Variants in DET1 observed in about 807,000 individuals in gnomAD.
DET1 encodes DET1 homolog.
A neutral mutation model predicts 43.7 loss-of-function variants in DET1; 22 were observed. That is an observed-to-expected ratio of 0.50 (90% CI 0.36 to 0.72). DET1 has a LOEUF of 0.72. DET1 is among the 30% of genes least tolerant of loss of function. The pLI is 0.00. For synonymous variants in DET1, 315 were observed against 266.2 expected (o/e 1.18, Z -1.79); for missense variants, 713 against 713.3 (o/e 1.00, Z 0.00).
downstream of DET1, among the ~76,000 whole-genome samples, chr15:88,511,263 T>C (rs567205725): frequency 6.6e-6 from 1 of 152,286 alleles, no homozygotes; most frequent in East Asian, 1.9e-4. Flanking sequence ...AGCCATCTTC[T>C]AGACTGCTGA....
chr15:88,536,277 T>A (rs762417655), intron 1 of DET1: 1 of 765,096 alleles, frequency 1.3e-6, no homozygotes, highest in South Asian at 1.4e-5. Flanking sequence ...ATATTATTAA[T>A]GGTCTTTATC....
intron 1 of DET1, chr15:88,536,341 G>C: frequency 1.3e-6 from 1 of 779,684 alleles, no homozygotes; most frequent in Non-Finnish European, 2.4e-6. Context: ...CCATACCAGA[G>C]AGCAGGGAAC....
rs1397440135 is a variant in DET1, at chr15:88,504,696, C to T, written c.*2066-709G>A. The stretch of plus-strand genomic sequence containing the variant: ...GGGCTCTCACACTCAGCCCTAATCA[C>T]CCCAGGGCCAGGTACCAGACAACCA... On this transcript the variant is annotated intron_variant and NMD_transcript_variant, in intron 7 of 8. Coordinates refer to the DET1 transcript ENST00000557842. This position sits in a 1 kb window ranked among gnomAD's most constrained non-coding sequence, Gnocchi z 4.7. The T allele has an allele frequency of 1.3e-5, 2 of 152,164 alleles. No individual in the cohort carries two copies. Among genetic ancestry groups the T allele is most frequent in the African/African-American group, 4.8e-5 (2 of 41,404 alleles). The allele number at this position is 152,164 out of a possible 1,614,324, so 9.4% of individuals were successfully genotyped here.
chr15:88,536,850 C>T (rs2056966175), intron 1 of DET1, among the ~76,000 whole-genome samples: 1 of 147,236 alleles, frequency 6.8e-6, no homozygotes, highest in Non-Finnish European at 1.5e-5. Context: ...AAAAGCATGA[C>T]ATGGCACATT....
intron 1 of DET1, among the ~76,000 whole-genome samples, chr15:88,544,056 CTGCCAA>C (rs1555431289): frequency 6.6e-6 from 1 of 152,194 alleles, no homozygotes; most frequent in Non-Finnish European, 1.5e-5. Context: ...AAAAATGAAA[CTGCCAA>C]TACGGTAGTT....
chr15:88,510,941 T>C (rs1323846263), downstream of DET1, among the ~76,000 whole-genome samples: 1 of 151,930 alleles, frequency 6.6e-6, no homozygotes, highest in Non-Finnish European at 1.5e-5. Flanking sequence ...GTCCCGCTAA[T>C]TTTTTTATTT....
In DET1 at chr15:88,526,697, C is replaced by T. The variant is rs185620559; in HGVS notation, c.1271+902G>A. ...ACTTTCACCTAATTCCTGTTTTTAG[C>T]ATAACATGTCTCATCCCTACTTTTA... On this transcript the variant is annotated intron_variant, in intron 3 of 4. Coordinates refer to ENST00000268148, the MANE Select transcript of DET1 (RefSeq NM_001144074.3). 1.1e-3 allele frequency among the ~76,000 whole-genome samples: 164 copies of T among 152,302 alleles called. 2 individuals are homozygous for T. The highest frequency in any genetic ancestry group is 4.6e-4 in the African/African-American group (19 of 41,552).
In DET1 at chr15:88,542,059, A is replaced by G. The variant is rs1223131846; in HGVS notation, c.-11+4481T>C. 2.0e-5 allele frequency among the ~76,000 whole-genome samples: 3 copies of G among 151,960 alleles called. 1 individual carries two copies. Among genetic ancestry groups the G allele is most frequent in the Admixed American group, 6.6e-5 (1 of 15,260 alleles). On this transcript the variant is annotated intron_variant, in intron 1 of 4. Coordinates refer to ENST00000268148, the MANE Select transcript of DET1 (RefSeq NM_001144074.3). The stretch of plus-strand genomic sequence containing the variant: ...TGACTTGTATAACTGGAAAACCCAT[A>G]ATCCTCCCTTCTCTGAAAAGCCTCA...
In DET1 at chr15:88,536,398, T is replaced by G. The variant is rs886862848; in HGVS notation, c.-10-4683A>C. 4.0e-6 allele frequency: 3 copies of G among 747,262 alleles called. No homozygotes were observed. The African/African-American group carries it at 5.2e-5, about 13-fold the overall frequency. 46.3% of individuals were successfully genotyped at this position (747,262 alleles called of 1,614,324 possible). A position where few individuals can be genotyped will look rare whatever the true frequency, so the allele number is the denominator to read the frequency against. ...TCCCAGCACCTAGGAGAAGGGACAG[T>G]TAAGCGCTCATAAATATGTTAAAAT... is the stretch of plus-strand genomic sequence containing the variant. On this transcript the variant is annotated intron_variant, in intron 1 of 4. Coordinates refer to ENST00000268148, the MANE Select transcript of DET1 (RefSeq NM_001144074.3).
chr15:88,503,209 G>C lies in DET1; in HGVS notation c.*2178+666C>G, dbSNP rs1360271426. 2.0e-5 allele frequency: 3 copies of C among 152,066 alleles called. No individual in the cohort carries two copies. In the South Asian group the frequency reaches 6.2e-4, roughly 31 times the overall value. The allele number at this position is 152,066 out of a possible 1,614,324, so 9.4% of individuals were successfully genotyped here. On this transcript the variant is annotated intron_variant and NMD_transcript_variant, in intron 8 of 8. Transcript: ENST00000557842. ...AGTCTGGGAGGCGGCGGTTGCAAGA[G>C]CTGAGATCTCACCACTACACTCCAG...
At chr15:88,514,091 G>GC (rs1198463497) in intron 4 of DET1, among the ~76,000 whole-genome samples, 1 of 150,020 alleles carries the variant, frequency 6.7e-6, no homozygotes, top group Non-Finnish European at 1.5e-5. Flanking sequence ...GAGCCACCGC[G>GC]CCCGGCCAGA....
At chr15:88,518,042 A>C (rs2056393260) in intron 3 of DET1, among the ~76,000 whole-genome samples, 2 of 151,656 alleles carry the variant, frequency 1.3e-5, no homozygotes, top group South Asian at 4.2e-4. Context: ...GGGCTCAAGC[A>C]ATCCTCCTAC....
At chr15:88,536,224 C>T (rs1359748828) in intron 1 of DET1, 1 of 694,092 alleles carries the variant, frequency 1.4e-6, no homozygotes. Flanking sequence ...AAATCTTCCC[C>T]AGGCACCTTA....
Position 88,531,474 on chromosome 15 carries a change from C to A in DET1, c.232G>T (p.Asp78Tyr), listed in dbSNP as rs2056813409. The A allele has an allele frequency of 6.2e-7, 1 of 1,614,000 alleles. No individual in the cohort carries two copies. The highest frequency in any genetic ancestry group is 1.1e-5 in the South Asian group (1 of 91,082). The change falls in exon 2 of 5, where the codon GAC becomes TAC. Residue 78 changes from aspartate (D) to tyrosine (Y), a missense_variant. Coordinates refer to ENST00000268148, the MANE Select transcript of DET1 (RefSeq NM_001144074.3). This position sits in a 1 kb window ranked among gnomAD's most constrained non-coding sequence, Gnocchi z 6.2. ...TCATAGATTTCAAGAGATGTCTGGTCTGAAGAAAAAGCAATAAAGTAGCGT... is the reference window on the plus strand; with the variant it reads ...TCATAGATTTCAAGAGATGTCTGGTATGAAGAAAAAGCAATAAAGTAGCGT... Reference protein sequence around the residue: ...DGRYFIAFSSDQTSLEIYEYQ... With the variant: ...DGRYFIAFSSYQTSLEIYEYQ...
chr15:88,511,042 G>A (rs528711978), downstream of DET1, among the ~76,000 whole-genome samples: 1 of 152,182 alleles, frequency 6.6e-6, no homozygotes, highest in African/African-American at 2.4e-5. Flanking sequence ...AAAGTGCTGG[G>A]ATTACAGGCA....
chr15:88,541,831 C>A (rs367844427), intron 1 of DET1, among the ~76,000 whole-genome samples: 6 of 152,300 alleles, frequency 3.9e-5, no homozygotes, highest in Admixed American at 2.6e-4. Flanking sequence ...GCCAGTTCGG[C>A]TCCCCCTGTT....
rs749362667 is a variant in DET1 at position 88,530,725 on chromosome 15, C to T, written c.981G>A (p.Arg327=). ...RRFFQYFDQL[R]QLRMWKMQLL... is the part of the protein sequence containing the mutation. ...GCTGCATTTTCCACATTCGCAGCTG[C>T]CGCAGTTGGTCAAAATACTGGAAGA... The change falls in exon 2 of 5, where the codon CGG becomes CGA. Residue 327 remains arginine (R), a synonymous_variant. Coordinates refer to ENST00000268148, the MANE Select transcript of DET1 (RefSeq NM_001144074.3). The T allele has an allele frequency of 8.7e-6, 14 of 1,613,986 alleles. No homozygotes were observed. The South Asian group carries it at 1.4e-4, about 16-fold the overall frequency.
intron 1 of DET1, among the ~76,000 whole-genome samples, chr15:88,532,519 G>A (rs956896833): frequency 1.3e-5 from 2 of 152,032 alleles, no homozygotes; most frequent in Non-Finnish European, 2.9e-5. Context: ...TTTTGAAAAA[G>A]AACAAAGAGG....
At chr15:88,518,018 C>T (rs1015799174) in intron 3 of DET1, among the ~76,000 whole-genome samples, 18 of 152,078 alleles carry the variant, frequency 1.2e-4, no homozygotes, top group African/African-American at 4.1e-4. Flanking sequence ...CTTACTGCAA[C>T]CTCCACCTCT....
Sources: allele counts gnomAD v4.1 joint callset (sites outside exome capture counted in the v4.1 genomes callset), GRCh38; gene constraint gnomAD v4.1.1; non-coding constraint Gnocchi (gnomAD v3.1); transcripts MANE v1.5; gene names NCBI Gene and HGNC (gene_info 2026-07-23, HGNC 2026-07-21).